KLHL29: variants seen among roughly 807,000 people sequenced by gnomAD.
KLHL29 encodes the protein kelch like family member 29.
KLHL29 carries 21 observed loss-of-function variants against 80.4 expected under a neutral mutation model. The ratio of observed to expected loss-of-function variants is 0.26; its 90% CI spans 0.19 to 0.38. The LOEUF (loss-of-function observed/expected upper bound fraction) is 0.38. Among genes scored for constraint, KLHL29 ranks in the 10% least tolerant of loss-of-function variants. The probability of loss-of-function intolerance (pLI) is 1.00; values close to 1 mark genes in which losing one functional copy is unlikely to be tolerated. For missense variants in KLHL29, 867 were observed against 1,223.9 expected, an observed-to-expected ratio of 0.71 and a Z score of 4.35; for synonymous variants, 511 against 526.8, an observed-to-expected ratio of 0.97 and a Z score of 0.41.
intron 3 of KLHL29, among the ~76,000 whole-genome samples, chr2:23,619,499 G>A (rs1022586733): frequency 6.6e-6 from 1 of 152,158 alleles, no homozygotes; most frequent in Admixed American, 6.5e-5. Flanking sequence ...TGAGGGCACT[G>A]ACACTGATGT....
At chr2:23,663,437 C>A (rs765863787) in intron 5 of KLHL29, among the ~76,000 whole-genome samples, 1 of 152,212 alleles carries the variant, frequency 6.6e-6, no homozygotes, top group Non-Finnish European at 1.5e-5. Flanking sequence ...TCCGCCGTCA[C>A]GTGTGCCGGG....
At chr2:23,410,208 A>G (rs552611329) in intron 1 of KLHL29, among the ~76,000 whole-genome samples, 4 of 152,290 alleles carry the variant, frequency 2.6e-5, no homozygotes, top group South Asian at 2.1e-4. Flanking sequence ...CCTGGCTACC[A>G]TGTGGTAAGC....
chr2:23,536,918 ACTCT>A (rs1553336407), intron 2 of KLHL29, among the ~76,000 whole-genome samples: 1 of 140,650 alleles, frequency 7.1e-6, no homozygotes, highest in Non-Finnish European at 1.5e-5. Context: ...ACACACACAC[ACTCT>A]CTCTCTCCCT....
At chr2:23,625,547 C>T (rs1287469821) in intron 3 of KLHL29, among the ~76,000 whole-genome samples, 1 of 152,178 alleles carries the variant, frequency 6.6e-6, no homozygotes, top group Non-Finnish European at 1.5e-5. Flanking sequence ...GGTGGGAGGA[C>T]CCACTGGCGT....
chr2:23,663,244 A>G (rs1402014166), intron 5 of KLHL29, among the ~76,000 whole-genome samples: 2 of 152,250 alleles, frequency 1.3e-5, no homozygotes, highest in South Asian at 4.1e-4. Flanking sequence ...CCTTTGGCCC[A>G]GTAGCAAGCA....
intron 4 of KLHL29, 95 bp downstream of exon 4, chr2:23,639,375 T>C: frequency 7.8e-7 from 1 of 1,287,176 alleles, no homozygotes; most frequent in Non-Finnish European, 1.1e-6. Context: ...ACAGCAGGTC[T>C]TGAACCCAGG....
intron 5 of KLHL29, among the ~76,000 whole-genome samples, chr2:23,663,422 G>A (rs976307229): frequency 2.0e-5 from 3 of 152,234 alleles, no homozygotes; most frequent in Admixed American, 6.5e-5. Context: ...GGGCCGCCCC[G>A]CGGCTCCGCC....
At chr2:23,609,503 A>C (rs1668805389) in intron 3 of KLHL29, among the ~76,000 whole-genome samples, 1 of 152,054 alleles carries the variant, frequency 6.6e-6, no homozygotes, top group Non-Finnish European at 1.5e-5. Context: ...AATAGAGAGC[A>C]GGTGTGCTCT....
intron 1 of KLHL29, among the ~76,000 whole-genome samples, chr2:23,400,272 G>T (rs1472438951): frequency 6.6e-6 from 1 of 152,212 alleles, no homozygotes; most frequent in African/African-American, 2.4e-5. Context: ...CCCAGGCAGG[G>T]TTTGGGTGGC....
intron 2 of KLHL29, among the ~76,000 whole-genome samples, chr2:23,498,271 A>G (rs1665329146): frequency 6.6e-6 from 1 of 152,248 alleles, no homozygotes; most frequent in African/African-American, 2.4e-5. Context: ...AAGAAGTCTG[A>G]GATATGAGCA....
intron 8 of KLHL29, 49 bp downstream of exon 8, chr2:23,693,577 C>A: frequency 6.6e-7 from 1 of 1,524,388 alleles, no homozygotes; most frequent in South Asian, 1.2e-5. Flanking sequence ...TTGGGGTCCC[C>A]CTGCGGCAAT....
intron 1 of KLHL29, among the ~76,000 whole-genome samples, chr2:23,427,198 G>C (rs1480459790): frequency 2.0e-5 from 3 of 152,206 alleles, no homozygotes; most frequent in African/African-American, 7.2e-5. Context: ...GCAAGAGCCA[G>C]TTTGAAAGGG....
chr2:23,637,668 T>C (rs918927486), intron 3 of KLHL29, among the ~76,000 whole-genome samples: 3 of 152,076 alleles, frequency 2.0e-5, no homozygotes, highest in African/African-American at 7.2e-5. Context: ...GCACTATGCG[T>C]CGAAGCCCCA....
chr2:23,591,784 T>G (rs1220232273), intron 3 of KLHL29, among the ~76,000 whole-genome samples: 1 of 152,144 alleles, frequency 6.6e-6, no homozygotes, highest in Non-Finnish European at 1.5e-5. Context: ...CTCGCCTTCC[T>G]CGTCGCGTTC....
chr2:23,578,817 G>A (rs190961537), intron 3 of KLHL29, among the ~76,000 whole-genome samples: 8 of 152,278 alleles, frequency 5.3e-5, no homozygotes, highest in East Asian at 3.9e-4. Flanking sequence ...GAGGAGCCCC[G>A]TGGCTGCCTC....
chr2:23,571,751 C>T (rs983527027), intron 3 of KLHL29, among the ~76,000 whole-genome samples: 1 of 152,214 alleles, frequency 6.6e-6, no homozygotes, highest in African/African-American at 2.4e-5. Flanking sequence ...GAAGCCAGCA[C>T]ATGAGCAGTG....
Position 23,391,395 on chromosome 2 carries a change from G to A in KLHL29, c.-154+5615G>A, listed in dbSNP as rs149338776. On this transcript the variant is annotated intron_variant, in intron 1 of 13. Coordinates refer to ENST00000486442, the MANE Select transcript of KLHL29 (RefSeq NM_052920.2). ...GACATCCTGTTTTCAGTGTTTCTGG[G>A]TCTATACCCAGAAGTGGAATTGCTG... Among the ~76,000 whole-genome samples the A allele has an allele frequency of 3.5e-4, 53 of 152,296 alleles. No homozygotes were observed. In the East Asian group the frequency reaches 9.3e-3, roughly 27 times the overall value.
chr2:23,500,984 G>A (rs974690569), intron 2 of KLHL29, among the ~76,000 whole-genome samples: 9 of 152,222 alleles, frequency 5.9e-5, no homozygotes, highest in Admixed American at 1.3e-4. Flanking sequence ...AGCATCTCCC[G>A]GCCTGTGTGT....
intron 2 of KLHL29, among the ~76,000 whole-genome samples, chr2:23,476,866 G>C (rs760539875): frequency 1.3e-5 from 2 of 152,250 alleles, no homozygotes; most frequent in Admixed American, 6.5e-5. Flanking sequence ...CAGAATCCGT[G>C]ATCTGGGATC....
Sources: gnomAD v4.1 joint callset for allele counts (sites outside exome capture counted in the v4.1 genomes callset) on GRCh38, gnomAD v4.1.1 for gene constraint, MANE v1.5 for transcripts, NCBI Gene and HGNC (gene_info 2026-07-23, HGNC 2026-07-21) for gene names.